GSE1: variants seen among roughly 807,000 people sequenced by gnomAD.
The protein encoded by GSE1 is genetic suppressor element 1.
GSE1 carries 32 observed loss-of-function variants against 112.6 expected under a neutral mutation model. The observed-to-expected ratio is 0.28, with a 90% CI of 0.21 to 0.38. GSE1 has a LOEUF of 0.38. GSE1 is among the 10% of genes least tolerant of loss of function. The probability of loss-of-function intolerance (pLI) is 1.00; values close to 1 mark genes in which losing one functional copy is unlikely to be tolerated. For synonymous variants in GSE1, 1,115 were observed against 735.6 expected, an observed-to-expected ratio of 1.52 and a Z score of -8.35; for missense variants, 2,348 against 1,699.2, an observed-to-expected ratio of 1.38 and a Z score of -6.71.
intron 2 of GSE1, among the ~76,000 whole-genome samples, chr16:85,394,649 G>C (rs1190580982): frequency 6.6e-6 from 1 of 152,176 alleles, no homozygotes; most frequent in Non-Finnish European, 1.5e-5. Flanking sequence ...CAGGAGCCAG[G>C]TGTGTGGGCG....
intron 1 of GSE1, among the ~76,000 whole-genome samples, chr16:85,579,549 G>A (rs1047831137): frequency 6.6e-6 from 1 of 152,212 alleles, no homozygotes; most frequent in South Asian, 2.1e-4. Context: ...TCAGAGGGAC[G>A]CGTCCTGGAG....
chr16:85,268,992 G>A (rs1437054754), intron 1 of GSE1, among the ~76,000 whole-genome samples: 1 of 134,472 alleles, frequency 7.4e-6, no homozygotes, highest in African/African-American at 2.5e-5. Flanking sequence ...AAAATGCCAG[G>A]AGGGAGGAAA....
At position 85,613,431 on chromosome 16, in the gene GSE1, C is replaced by T. The variant is rs1457998278; in HGVS notation, c.7+33C>T. 7 of 1,522,228 alleles carry T rather than the reference C, an allele frequency of 4.6e-6. No individual in the cohort carries two copies. In the South Asian group the frequency reaches 4.8e-5, roughly 10 times the overall value. The allele number at this position is 1,522,228 out of a possible 1,614,324, so 94.3% of individuals were successfully genotyped here. On this transcript the variant is annotated intron_variant, in intron 1 of 15. Coordinates refer to ENST00000253458, the MANE Select transcript of GSE1 (RefSeq NM_014615.5). Reference sequence around the variant, plus strand: ...CGCCGCACCCGGCCGGGGACGGGGTCCTCCCCCCTCCCCCCACCGCACTGT... The same window carrying T: ...CGCCGCACCCGGCCGGGGACGGGGTTCTCCCCCCTCCCCCCACCGCACTGT...
chr16:85,662,327 G>A (rs2052503468), intron 9 of GSE1: 2 of 154,784 alleles, frequency 1.3e-5, no homozygotes, highest in Middle Eastern at 3.3e-3. Context: ...AGGCGAGAGT[G>A]TGCAGAGGGG....
intron 2 of GSE1, among the ~76,000 whole-genome samples, chr16:85,525,934 C>T (rs1252590695): frequency 3.3e-5 from 5 of 152,188 alleles, no homozygotes; most frequent in Non-Finnish European, 5.9e-5. Flanking sequence ...TCAGCCTTTT[C>T]GGACACCAGC....
intron 1 of GSE1, among the ~76,000 whole-genome samples, chr16:85,578,349 C>T (rs187698947): frequency 6.6e-6 from 1 of 152,348 alleles, no homozygotes; most frequent in African/African-American, 2.4e-5. Context: ...CTCCAAGTGC[C>T]TGGGCTCCCC....
intron 1 of GSE1, among the ~76,000 whole-genome samples, chr16:85,620,288 C>G (rs1220941069): frequency 2.0e-5 from 3 of 152,114 alleles, no homozygotes. Flanking sequence ...GGACTCTTGT[C>G]TCAGCAAAAA....
intron 2 of GSE1, among the ~76,000 whole-genome samples, chr16:85,464,859 G>T (rs1398457698): frequency 6.6e-6 from 1 of 152,240 alleles, no homozygotes; most frequent in African/African-American, 2.4e-5. Context: ...GCCCACAGGG[G>T]CTGGTAGGGG....
intron 2 of GSE1, among the ~76,000 whole-genome samples, chr16:85,371,041 G>A (rs1484466878): frequency 6.6e-6 from 1 of 152,212 alleles, no homozygotes; most frequent in Non-Finnish European, 1.5e-5. Context: ...CTCTTCTGGG[G>A]AGTTTGCGCC....
chr16:85,471,812 A>G (rs755427080), intron 2 of GSE1, among the ~76,000 whole-genome samples: 18 of 152,214 alleles, frequency 1.2e-4, no homozygotes, highest in Non-Finnish European at 7.4e-5. Context: ...TGGGGCCCCA[A>G]TGATCTTCCC....
chr16:85,633,114 A>G (rs767311296), intron 1 of GSE1, among the ~76,000 whole-genome samples: 94 of 152,168 alleles, frequency 6.2e-4, no homozygotes, highest in Non-Finnish European at 1.0e-3. Context: ...AGAGGGTTCC[A>G]AGCTGCACCG....
At chr16:85,267,756 C>T (rs1211963355) in intron 1 of GSE1, among the ~76,000 whole-genome samples, 1 of 152,186 alleles carries the variant, frequency 6.6e-6, no homozygotes, top group Non-Finnish European at 1.5e-5. Flanking sequence ...AAACCCACTG[C>T]AGGCAAACCC....
At chr16:85,516,803 T>C (rs533380522) in intron 2 of GSE1, among the ~76,000 whole-genome samples, 73 of 149,368 alleles carry the variant, frequency 4.9e-4, no homozygotes, top group African/African-American at 1.8e-3. Context: ...TGGTTCTTTT[T>C]TTTTTTTTTT....
chr16:85,396,605 C>G (rs928523981), intron 2 of GSE1, among the ~76,000 whole-genome samples: 3 of 152,234 alleles, frequency 2.0e-5, no homozygotes, highest in African/African-American at 7.2e-5. Context: ...GCTGAACGGG[C>G]AGCTTCCTCC....
chr16:85,186,801 G>A (rs1473158463), intron 1 of GSE1, among the ~76,000 whole-genome samples: 1 of 152,186 alleles, frequency 6.6e-6, no homozygotes, highest in African/African-American at 2.4e-5. Context: ...AACAGTCTGA[G>A]TCTTCAAATC....
chr16:85,553,648 C>A (rs1210024968), upstream of GSE1, among the ~76,000 whole-genome samples: 1 of 151,976 alleles, frequency 6.6e-6, no homozygotes, highest in Admixed American at 6.5e-5. Flanking sequence ...CACCGAGCTG[C>A]TGGCGGCGGC....
At chr16:85,279,133 CAT>C (rs1273915071) in intron 1 of GSE1, 1 of 152,200 alleles carries the variant, frequency 6.6e-6, no homozygotes, top group African/African-American at 2.4e-5. Flanking sequence ...ATGCAAACGA[CAT>C]AAAATAACGA....
In GSE1 at chr16:85,544,718, AC is replaced by A. The variant is rs142412145; in HGVS notation, c.2465-89195del. On this transcript the variant is annotated intron_variant, in intron 2 of 2. Transcript: ENST00000637419. ...CGTGTCATCCACAAATGGGGAATTA[AC>A]AACCCTGGCAGTGACTTCTTGTCCA... Among the ~76,000 whole-genome samples, 947 of 152,346 alleles carry A rather than the reference AC, an allele frequency of 6.2e-3. 19 individuals carry two copies. The highest frequency in any genetic ancestry group is 0.022 in the African/African-American group (921 of 41,590).
At position 85,663,530 on chromosome 16, in the gene GSE1, A is replaced by G; in HGVS notation, c.2560A>G (p.Met854Val). 6.2e-7 allele frequency: 1 copy of G among 1,613,800 alleles called. No homozygotes were observed. The highest frequency in any genetic ancestry group is 8.5e-7 in the Non-Finnish European group (1 of 1,179,978). Residue 854 changes from methionine (M) to valine (V), a missense_variant, in exon 11 of 16, where the codon ATG becomes GTG. By Grantham distance (21) the Met-to-Val change is conservative. Coordinates refer to ENST00000253458, the MANE Select transcript of GSE1 (RefSeq NM_014615.5). ...GTCTACCCGCTACAGCCCTGATGAG[A>G]TGAACAACAGTCCCAACTTCGAAGA... ...ALSTRYSPDE[M>V]NNSPNFEEKK...
Sources: allele counts gnomAD v4.1 joint callset (sites outside exome capture counted in the v4.1 genomes callset), GRCh38; gene constraint gnomAD v4.1.1; transcripts MANE v1.5; gene names NCBI Gene and HGNC (gene_info 2026-07-23, HGNC 2026-07-21).